UBE2D2: variants seen among roughly 807,000 people sequenced by gnomAD.
UBE2D2 encodes the protein ubiquitin conjugating enzyme E2 D2.
A neutral mutation model predicts 24.2 loss-of-function variants in UBE2D2; 2 were observed. That is an observed-to-expected ratio of 0.08 (90% CI 0.03 to 0.26). UBE2D2 has a LOEUF of 0.26. Among genes scored for constraint, UBE2D2 ranks in the 10% least tolerant of loss-of-function variants. UBE2D2 has a pLI of 1.00. For synonymous variants in UBE2D2, 58 were observed against 56.5 expected, an observed-to-expected ratio of 1.03 and a Z score of -0.12; for missense variants, 44 against 177.6, an observed-to-expected ratio of 0.25 and a Z score of 4.28.
intron 2 of UBE2D2, among the ~76,000 whole-genome samples, chr5:139,608,296 G>A (rs1203636070): frequency 6.6e-6 from 1 of 151,922 alleles, no homozygotes; most frequent in Non-Finnish European, 1.5e-5. Flanking sequence ...AGCCGGGTGA[G>A]GTGTTGCACA....
rs115384139 is a variant in UBE2D2, at chr5:139,538,979, G to A, written c.-64+12367G>A. Among the ~76,000 whole-genome samples, 852 of 152,110 alleles carry A rather than the reference G, an allele frequency of 5.6e-3. 12 individuals are homozygous for A. Among genetic ancestry groups the A allele is most frequent in the African/African-American group, 0.018 (742 of 41,492 alleles). On this transcript the variant is annotated intron_variant, in intron 1 of 6. Transcript: ENST00000511725. ...GGCAACAAAAGGGACGAATGTTGAC[G>A]CACACAATTTAGATGGATCTCAAGG...
At chr5:139,581,749 A>G (rs985643525) in intron 1 of UBE2D2, among the ~76,000 whole-genome samples, 3 of 151,228 alleles carry the variant, frequency 2.0e-5, no homozygotes, top group Non-Finnish European at 4.4e-5. Flanking sequence ...GCTCACTGCA[A>G]CCTCTGCCTC....
At chr5:139,555,924 C>CAAAA (rs1168084041) in intron 1 of UBE2D2, among the ~76,000 whole-genome samples, 3 of 9,298 alleles carry the variant, frequency 3.2e-4, no homozygotes, top group Non-Finnish European at 6.0e-4. Context: ...GACTCCATCT[C>CAAAA]AAAAAAAAAA....
At chr5:139,561,849 A>T (rs747531920) in intron 1 of UBE2D2, 34 bp downstream of exon 1, 2 of 1,462,244 alleles carry the variant, frequency 1.4e-6, no homozygotes, top group Non-Finnish European at 1.8e-6. Context: ...GCTGCTGGCC[A>T]GCTGAGCAGG....
At chr5:139,550,689 C>T (rs1490698526) in intron 1 of UBE2D2, among the ~76,000 whole-genome samples, 5 of 151,964 alleles carry the variant, frequency 3.3e-5, no homozygotes, top group African/African-American at 9.7e-5. Context: ...AATCCTGAGG[C>T]CACCGAGACC....
At chr5:139,572,590 G>A (rs949324282) in intron 1 of UBE2D2, among the ~76,000 whole-genome samples, 3 of 150,008 alleles carry the variant, frequency 2.0e-5, no homozygotes, top group Admixed American at 1.3e-4. Context: ...AGCGAGATCT[G>A]TCTCTTAAAA....
intron 1 of UBE2D2, among the ~76,000 whole-genome samples, chr5:139,545,746 CAG>C (rs1285565662): frequency 6.9e-6 from 1 of 144,514 alleles, no homozygotes; most frequent in Non-Finnish European, 1.5e-5. Context: ...TTTTTGGAAA[CAG>C]AGTCTTGCTC....
Position 139,555,386 on chromosome 5 carries a change from CATTATTTGAAA to C in UBE2D2, c.-64+28786_-64+28796del, listed in dbSNP as rs1752967114. ...ATTAATGAATTCCAAATAATTTTAA[CATTATTTGAAA>C]ATTATTTGAAATTATTTGAAAATAA... On this transcript the variant is annotated intron_variant, in intron 1 of 6. Transcript: ENST00000511725. Among the ~76,000 whole-genome samples, 5 of 151,866 alleles carry C rather than the reference CATTATTTGAAA, an allele frequency of 3.3e-5. No homozygotes were observed. In the South Asian group the frequency reaches 1.0e-3, roughly 31 times the overall value.
chr5:139,554,376 C>A (rs887908952), intron 1 of UBE2D2, among the ~76,000 whole-genome samples: 2 of 152,198 alleles, frequency 1.3e-5, no homozygotes, highest in African/African-American at 2.4e-5. Context: ...AAGTCACCAC[C>A]TGACTTCACA....
intron 5 of UBE2D2, among the ~76,000 whole-genome samples, chr5:139,618,083 C>T (rs1258637072): frequency 6.6e-6 from 1 of 152,038 alleles, no homozygotes; most frequent in Non-Finnish European, 1.5e-5. Context: ...AAGCCATTCT[C>T]CTGCCTCAGC....
chr5:139,589,776 G>A (rs1284125871), intron 1 of UBE2D2, among the ~76,000 whole-genome samples: 2 of 152,112 alleles, frequency 1.3e-5, no homozygotes, highest in Admixed American at 1.3e-4. Flanking sequence ...ATAATTTAAA[G>A]TGGGGGTTGG....
At chr5:139,533,441 CA>C (rs1324390721) in intron 1 of UBE2D2, among the ~76,000 whole-genome samples, 1 of 152,052 alleles carries the variant, frequency 6.6e-6, no homozygotes, top group African/African-American at 2.4e-5. Context: ...CACCTGAGGT[CA>C]GGAGTTCAAG....
chr5:139,623,570 C>T (rs1754556680), intron 6 of UBE2D2, 109 bp downstream of exon 6: 1 of 752,850 alleles, frequency 1.3e-6, no homozygotes, highest in Non-Finnish European at 2.2e-6. Flanking sequence ...AAGTGAAGTC[C>T]TAATATACTC....
chr5:139,537,069 G>T (rs1044046930), intron 1 of UBE2D2, among the ~76,000 whole-genome samples: 4 of 151,814 alleles, frequency 2.6e-5, no homozygotes. Flanking sequence ...TGTAGTCCCA[G>T]CTACTCGGGA....
At chr5:139,600,858 A>G (rs1173011600) in intron 2 of UBE2D2, among the ~76,000 whole-genome samples, 1 of 152,134 alleles carries the variant, frequency 6.6e-6, no homozygotes, top group Admixed American at 6.6e-5. Flanking sequence ...GCTGGAGTGC[A>G]GTGGCGTGAT....
rs764143376 is a variant in UBE2D2, at chr5:139,623,345, TTA to T, written c.305-19_305-18del. 86 of 1,545,898 alleles carry T rather than the reference TTA, an allele frequency of 5.6e-5. 1 individual carries two copies. The African/African-American group carries it at 1.0e-3, about 19-fold the overall frequency. On this transcript the variant is annotated intron_variant, in intron 5 of 6. Coordinates refer to ENST00000398733, the MANE Select transcript of UBE2D2 (RefSeq NM_003339.3). The stretch of plus-strand genomic sequence containing the variant: ...CCCTTTGCTTTGATCCTCTGCTAAT[TTA>T]TATGATTTTTTTCATTCTAGTACTC...
chr5:139,589,886 A>G (rs923473391), intron 1 of UBE2D2, among the ~76,000 whole-genome samples: 49 of 151,914 alleles, frequency 3.2e-4, no homozygotes, highest in Admixed American at 2.0e-3. Context: ...CTGGGTTCAC[A>G]CCATTCTCCT....
rs146897047 is a variant in UBE2D2 at position 139,590,761 on chromosome 5, T to C, written c.25-9611T>C. On this transcript the variant is annotated intron_variant, in intron 1 of 6. Transcript: ENST00000398733. Reference sequence around the variant, plus strand: ...TGGGCCAAGCTGGGTTGTAAGTTCATGGTGGGTATTTTCTCTTCTTCTTTT... The same window carrying C: ...TGGGCCAAGCTGGGTTGTAAGTTCACGGTGGGTATTTTCTCTTCTTCTTTT... Among the ~76,000 whole-genome samples, 4 of 147,302 alleles carry C rather than the reference T, an allele frequency of 2.7e-5. No homozygotes were observed. The East Asian group carries it at 7.9e-4, about 29-fold the overall frequency.
At chr5:139,602,862 C>T (rs376626368) in intron 2 of UBE2D2, among the ~76,000 whole-genome samples, 1 of 152,138 alleles carries the variant, frequency 6.6e-6, no homozygotes, top group South Asian at 2.1e-4. Flanking sequence ...TTCTGACTTA[C>T]CTAGCGTGAG....
Sources: allele counts gnomAD v4.1 joint callset (sites outside exome capture counted in the v4.1 genomes callset), GRCh38; gene constraint gnomAD v4.1.1; transcripts MANE v1.5; gene names NCBI Gene and HGNC (gene_info 2026-07-23, HGNC 2026-07-21).